Variants in HAAO observed in about 807,000 individuals in gnomAD.
The protein encoded by HAAO is 3-hydroxyanthranilate 3,4-dioxygenase.
HAAO carries 49 observed loss-of-function variants against 46.2 expected under a neutral mutation model. The ratio of observed to expected loss-of-function variants is 1.06; its 90% CI spans 0.84 to 1.34. HAAO has a LOEUF of 1.34. Ranked by LOEUF, HAAO falls within the 40% of genes most tolerant of loss-of-function variation. HAAO has a pLI of 0.00. For synonymous variants in HAAO, 157 were observed against 145.2 expected (o/e 1.08, Z -0.58); for missense variants, 408 against 364.5 (o/e 1.12, Z -0.97).
intron 4 of HAAO, among the ~76,000 whole-genome samples, chr2:42,773,519 C>A (rs1391897012): frequency 6.6e-6 from 1 of 152,064 alleles, no homozygotes; most frequent in East Asian, 1.9e-4. Flanking sequence ...ATATCTTGGG[C>A]CCCGAAATCA....
intron 4 of HAAO, among the ~76,000 whole-genome samples, chr2:42,781,958 G>C (rs1672031964): frequency 6.6e-6 from 1 of 152,014 alleles, no homozygotes. Flanking sequence ...ACCATGATTT[G>C]TCTTTAGTAA....
At position 42,770,233 on chromosome 2, in the gene HAAO, G is replaced by T. The variant is rs776909901; in HGVS notation, c.441-47C>A. ...AGCAGGAGTGGCGAGCACTCCCATC[G>T]GAGTGGCCAGCGACACACACATACA... On this transcript the variant is annotated intron_variant, in intron 5 of 9. Coordinates refer to ENST00000294973, the MANE Select transcript of HAAO (RefSeq NM_012205.3). The T allele has an allele frequency of 1.8e-5, 27 of 1,524,482 alleles. No individual in the cohort carries two copies. In the Admixed American group the frequency reaches 5.0e-4, roughly 28 times the overall value. 94.4% of individuals were successfully genotyped at this position (1,524,482 alleles called of 1,614,324 possible).
rs10606385 is a variant in HAAO at position 42,786,009 on chromosome 2, C to CTGTGTGTGTG, written c.160-2152_160-2143dup. Among the ~76,000 whole-genome samples, 160 of 106,140 alleles carry CTGTGTGTGTG rather than the reference C, an allele frequency of 1.5e-3. 5 individuals are homozygous for CTGTGTGTGTG. The highest frequency in any genetic ancestry group is 2.2e-3 in the African/African-American group (54 of 24,078). The allele number at this position is 106,140 out of a possible 152,430, so 69.6% of individuals were successfully genotyped here. A position where few individuals can be genotyped will look rare whatever the true frequency, so the allele number is the denominator to read the frequency against. On this transcript the variant is annotated intron_variant, in intron 2 of 9. Coordinates refer to ENST00000294973, the MANE Select transcript of HAAO (RefSeq NM_012205.3). ...CACTCTCCAAGCTGGGAGGAAGCCT[C>CTGTGTGTGTG]TGTGTGTGTGTGTGTGTGTGTGTGT...
Position 42,767,923 on chromosome 2 carries a change from G to C in HAAO, c.636C>G (p.Ile212Met). ...LFGDTYETQV[I>M]AYGQGSSEGL... ...CTTCGCTGCTGCCTTGCCCATAGGC[G>C]ATCACCTGGTGGGAGGTGAAACAGA... The change falls in exon 8 of 10, where the codon ATC becomes ATG. Residue 212 changes from isoleucine (I) to methionine (M), a missense_variant. Coordinates refer to ENST00000294973, the MANE Select transcript of HAAO (RefSeq NM_012205.3). The C allele has an allele frequency of 1.2e-6, 2 of 1,613,534 alleles. No homozygotes were observed. Among genetic ancestry groups the C allele is most frequent in the Non-Finnish European group, 1.7e-6 (2 of 1,179,504 alleles).
In HAAO at chr2:42,788,544, G is replaced by T; in HGVS notation, c.144C>A (p.Ile48=). 6.2e-7 allele frequency: 1 copy of T among 1,604,622 alleles called. No homozygotes were observed. The highest frequency in any genetic ancestry group is 1.1e-5 in the South Asian group (1 of 90,812). Residue 48 remains isoleucine (I), a synonymous_variant, in exon 2 of 10, where the codon ATC becomes ATA. Coordinates refer to ENST00000294973, the MANE Select transcript of HAAO (RefSeq NM_012205.3). ...GGPNTRKDYH[I]EEGEEVFYQL... ...TCAAACCTACCTCTTCACCCTCTTCGATGTGATAGTCCTTCCTGGTGTTGG... is the reference window on the plus strand; with the variant it reads ...TCAAACCTACCTCTTCACCCTCTTCTATGTGATAGTCCTTCCTGGTGTTGG...
intron 4 of HAAO, among the ~76,000 whole-genome samples, chr2:42,779,052 G>A (rs1432229532): frequency 6.6e-6 from 1 of 152,052 alleles, no homozygotes; most frequent in Non-Finnish European, 1.5e-5. Context: ...GGTGGAGATT[G>A]CAGTGAGCTG....
chr2:42,773,260 T>C (rs886772162), intron 4 of HAAO, among the ~76,000 whole-genome samples: 2 of 152,210 alleles, frequency 1.3e-5, no homozygotes, highest in African/African-American at 4.8e-5. Context: ...GCTGGGAAGA[T>C]TCAATGAATA....
At chr2:42,776,211 A>C (rs1168078871) in intron 4 of HAAO, among the ~76,000 whole-genome samples, 3 of 115,618 alleles carry the variant, frequency 2.6e-5, no homozygotes, top group Non-Finnish European at 5.4e-5. Context: ...CTGTAATTTT[A>C]TGTTTGACTT....
chr2:42,792,221 C>A (rs1672857671), intron 1 of HAAO, among the ~76,000 whole-genome samples: 1 of 152,140 alleles, frequency 6.6e-6, no homozygotes, highest in African/African-American at 2.4e-5. Context: ...TCTCCTACAG[C>A]CTGAGAACCA....
In HAAO at chr2:42,767,494, T is replaced by C. The variant is rs374841840; in HGVS notation, c.804A>G (p.Gln268=). ...GGGTCACAGACAGGGCCACAGAGCC[T>C]TGTGTTCGCTCCCAGGCATACCTGT... The part of the protein sequence containing the change: ...AGTSYAWERT[Q]GSVALSVTQD... Residue 268 remains glutamine (Q), a synonymous_variant, in exon 10 of 10, where the codon CAA becomes CAG. Transcript: ENST00000294973. 1.2e-6 allele frequency: 2 copies of C among 1,612,592 alleles called. No homozygotes were observed. The highest frequency in any genetic ancestry group is 1.3e-5 in the African/African-American group (1 of 74,894).
At chr2:42,784,014 A>T in intron 2 of HAAO, 147 bp from the exon 3 acceptor site, 1 of 1,435,514 alleles carries the variant, frequency 7.0e-7, no homozygotes, top group South Asian at 1.4e-5. Context: ...TTCTGTCCTG[A>T]GGCCTGTCTC....
intron 2 of HAAO, among the ~76,000 whole-genome samples, chr2:42,784,660 A>G (rs1019792582): frequency 2.6e-5 from 4 of 152,226 alleles, no homozygotes; most frequent in African/African-American, 9.6e-5. Context: ...CCAGTCACAC[A>G]TTGCCTGGGT....
At chr2:42,785,023 A>G (rs539666875) in intron 2 of HAAO, among the ~76,000 whole-genome samples, 1 of 152,200 alleles carries the variant, frequency 6.6e-6, no homozygotes, top group Non-Finnish European at 1.5e-5. Context: ...GTGTACATTC[A>G]AGGCTGTTTT....
intron 4 of HAAO, among the ~76,000 whole-genome samples, chr2:42,775,350 G>C (rs757950680): frequency 1.3e-5 from 2 of 152,012 alleles, no homozygotes; most frequent in South Asian, 2.1e-4. Context: ...CTGCTAAGGG[G>C]CTTGATTTAC....
At chr2:42,786,905 AC>A (rs1672428538) in intron 2 of HAAO, among the ~76,000 whole-genome samples, 1 of 152,048 alleles carries the variant, frequency 6.6e-6, no homozygotes, top group Non-Finnish European at 1.5e-5. Context: ...AGGAGCCCGG[AC>A]CCTGAGTTAC....
At position 42,792,456 on chromosome 2, in the gene HAAO, C is replaced by G. The variant is rs1672876806; in HGVS notation, c.80+1G>C. ...GGCGGCCATGGGGGTGCTGGACTCA[C>G]ATGAGCTTGTTGCAGACCGGGGGCT... On this transcript the variant is annotated splice_donor_variant, in intron 1 of 9. Coordinates refer to ENST00000294973, the MANE Select transcript of HAAO (RefSeq NM_012205.3). LOFTEE classifies it high-confidence loss of function. 6.3e-7 allele frequency: 1 copy of G among 1,580,770 alleles called. No individual in the cohort carries two copies. Among genetic ancestry groups the G allele is most frequent in the Non-Finnish European group, 8.6e-7 (1 of 1,162,474 alleles).
At chr2:42,790,787 C>T (rs1005409909) in intron 1 of HAAO, among the ~76,000 whole-genome samples, 4 of 152,168 alleles carry the variant, frequency 2.6e-5, no homozygotes, top group Non-Finnish European at 5.9e-5. Context: ...CCACCTCAGC[C>T]TCCCAAAGTG....
At chr2:42,782,784 C>A in intron 4 of HAAO, 1 of 357,208 alleles carries the variant, frequency 2.8e-6, no homozygotes, top group South Asian at 2.2e-5. Context: ...TGGAAGCCCC[C>A]TTCCCACTTT....
chr2:42,780,266 G>A (rs887929910), intron 4 of HAAO, among the ~76,000 whole-genome samples: 4 of 149,530 alleles, frequency 2.7e-5, no homozygotes, highest in Non-Finnish European at 3.0e-5. Flanking sequence ...GGAGTGCAGC[G>A]GTGCAATCTC....
Sources: gnomAD v4.1 joint callset for allele counts (sites outside exome capture counted in the v4.1 genomes callset) on GRCh38, gnomAD v4.1.1 for gene constraint, MANE v1.5 for transcripts, NCBI Gene and HGNC (gene_info 2026-07-23, HGNC 2026-07-21) for gene names.